The following RYR3 variants were observed in gnomAD, a reference collection of about 807,000 sequenced individuals.
RYR3 encodes brain ryanodine receptor-calcium release channel.
Under a neutral mutation model 584.3 loss-of-function variants are expected in RYR3, and 207 were observed. The ratio of observed to expected loss-of-function variants is 0.35; its 90% CI spans 0.32 to 0.40. The LOEUF (loss-of-function observed/expected upper bound fraction) is 0.40. Among genes scored for constraint, RYR3 ranks in the 10% least tolerant of loss-of-function variants. The pLI is 1.00. For synonymous variants in RYR3, 2,416 were observed against 2,248.5 expected (o/e 1.07, Z -2.11); for missense variants, 5,616 against 6,089.2 (o/e 0.92, Z 2.59).
chr15:33,855,552 C>A lies in RYR3; in HGVS notation c.14007+640C>A, dbSNP rs545071765. On this transcript the variant is annotated intron_variant, in intron 98 of 103. Coordinates refer to ENST00000634891, the MANE Select transcript of RYR3 (RefSeq NM_001036.6). The stretch of plus-strand genomic sequence containing the variant: ...CTTCCTCCATGAATCTGATATATTC[C>A]CTGGGGGTTAGCAAGTAGACATACT... Among the ~76,000 whole-genome samples, 360 of 152,118 alleles carry A rather than the reference C, an allele frequency of 2.4e-3. 1 individual carries two copies. Among genetic ancestry groups the A allele is most frequent in the Non-Finnish European group, 4.1e-3 (277 of 67,996 alleles).
chr15:33,830,754 C>T, intron 85 of RYR3: 1 of 427,640 alleles, frequency 2.3e-6, no homozygotes, highest in Non-Finnish European at 4.1e-6. Context: ...GCAGTCCTCA[C>T]TCCTATCTAT....
rs1007038621 is a variant in RYR3 at position 33,604,751 on chromosome 15, G to C, written c.2164+1387G>C. On this transcript the variant is annotated intron_variant, in intron 18 of 103. Transcript: ENST00000634891. ...CCTTTGTTCTCATAGTGTTATCATG[G>C]AGCCACTGAGTCTGTGGCTATGAAG... is the stretch of plus-strand genomic sequence containing the variant. Among the ~76,000 whole-genome samples, 3 of 152,280 alleles carry C rather than the reference G, an allele frequency of 2.0e-5. No individual in the cohort carries two copies. In the South Asian group the frequency reaches 6.2e-4, roughly 32 times the overall value.
Position 33,582,645 on chromosome 15 carries a change from C to T in RYR3, c.1573+1002C>T, listed in dbSNP as rs746753652. ...GTCATTTCACTGATGATGAAACTGA[C>T]GTACATAGATGCTCATAACCCAAGG... On this transcript the variant is annotated intron_variant, in intron 14 of 103. Transcript: ENST00000634891. Among the ~76,000 whole-genome samples, 84 of 152,254 alleles carry T rather than the reference C, an allele frequency of 5.5e-4. 2 individuals carry two copies. Among genetic ancestry groups the T allele is most frequent in the Non-Finnish European group, 2.4e-4 (16 of 68,014 alleles).
At chr15:33,742,189 G>A (rs1420891430) in intron 51 of RYR3, among the ~76,000 whole-genome samples, 177 bp from the exon 52 acceptor site, 1 of 152,118 alleles carries the variant, frequency 6.6e-6, no homozygotes, top group African/African-American at 2.4e-5. Flanking sequence ...CCTAACCCTG[G>A]CTATGCCACC....
rs1434916402 is a variant in RYR3 at position 33,390,264 on chromosome 15, G to C, written c.51+79168G>C. Among the ~76,000 whole-genome samples the C allele has an allele frequency of 6.6e-6, 1 of 152,174 alleles. No homozygotes were observed. The highest frequency in any genetic ancestry group is 1.5e-5 in the Non-Finnish European group (1 of 68,040). On this transcript the variant is annotated intron_variant, in intron 1 of 103. Transcript: ENST00000634891. This position sits in a 1 kb window ranked among gnomAD's most constrained non-coding sequence, Gnocchi z 4.2. ...TATATTTAAAGCCAACAAAATAAGA[G>C]TTTTTGTTTGTTTGTTTGTTTAGTT...
intron 16 of RYR3, among the ~76,000 whole-genome samples, chr15:33,596,075 C>CA (rs56312785): frequency 0.45 from 65,257 of 146,442 alleles, 14,761 homozygotes; most frequent in East Asian, 0.79. Flanking sequence ...TTTTTCACCT[C>CA]AAAAAAAAAA....
rs915545444 is a variant in RYR3 at position 33,390,207 on chromosome 15, A to G, written c.51+79111A>G. Among the ~76,000 whole-genome samples, 3 of 152,246 alleles carry G rather than the reference A, an allele frequency of 2.0e-5. No individual in the cohort carries two copies. The highest frequency in any genetic ancestry group is 2.9e-5 in the Non-Finnish European group (2 of 68,052). On this transcript the variant is annotated intron_variant, in intron 1 of 103. Coordinates refer to ENST00000634891, the MANE Select transcript of RYR3 (RefSeq NM_001036.6). This position sits in a 1 kb window ranked among gnomAD's most constrained non-coding sequence, Gnocchi z 4.2. ...AGTTTTCAATATGCTTTTCAAATGA[A>G]GGCAATCATTAAATATAGCCCATTG...
intron 38 of RYR3, among the ~76,000 whole-genome samples, chr15:33,673,787 A>T (rs544541503): frequency 7.2e-5 from 11 of 152,314 alleles, no homozygotes; most frequent in Admixed American, 5.9e-4. Flanking sequence ...TGCTTTCCCC[A>T]TGGGAGAAGG....
At position 33,624,016 on chromosome 15, in the gene RYR3, C is replaced by G. The variant is rs1189945732; in HGVS notation, c.2567C>G (p.Thr856Ser). 6.2e-7 allele frequency: 1 copy of G among 1,613,160 alleles called. No individual in the cohort carries two copies. The highest frequency in any genetic ancestry group is 8.5e-7 in the Non-Finnish European group (1 of 1,179,254). The change falls in exon 20 of 104, where the codon ACC becomes AGC. Residue 856 changes from threonine (T) to serine (S), a missense_variant. Thr to Ser is a moderately conservative substitution (Grantham distance 58). Coordinates refer to ENST00000634891, the MANE Select transcript of RYR3 (RefSeq NM_001036.6). ...QASFIPCPVDTSQVILPPHLE... is the reference protein window; with the variant it reads ...QASFIPCPVDSSQVILPPHLE... ...TCTTTCATCCCATGCCCCGTAGACA[C>G]CAGTCAGGTAGGTTCAAATTGCCCG...
Position 33,801,973 on chromosome 15 carries a change from GA to G in RYR3, c.10011+15del. The G allele has an allele frequency of 6.7e-7, 1 of 1,503,546 alleles. No individual in the cohort carries two copies. Among genetic ancestry groups the G allele is most frequent in the South Asian group, 1.1e-5 (1 of 87,844 alleles). The allele number at this position is 1,503,546 out of a possible 1,614,324, so 93.1% of individuals were successfully genotyped here. A position where few individuals can be genotyped will look rare whatever the true frequency, so the allele number is the denominator to read the frequency against. ...GCAAGATGTCAAAAGTAAGTCCTTAGAAATCAATTCCAAAAACTCTTCAACC... is the reference window on the plus strand; with the variant it reads ...GCAAGATGTCAAAAGTAAGTCCTTAGAATCAATTCCAAAAACTCTTCAACC... On this transcript the variant is annotated intron_variant, in intron 69 of 103. Transcript: ENST00000634891.
chr15:33,369,174 AAGGCCACACAC>A (rs1478453026), intron 1 of RYR3, among the ~76,000 whole-genome samples: 4 of 152,188 alleles, frequency 2.6e-5, no homozygotes, highest in Admixed American at 2.6e-4. Context: ...TCATTTGCCA[AAGGCCACACAC>A]CTAGAAAGTG....
intron 52 of RYR3, among the ~76,000 whole-genome samples, chr15:33,744,239 G>C (rs1010309288): frequency 6.6e-6 from 1 of 152,226 alleles, no homozygotes; most frequent in Non-Finnish European, 1.5e-5. Context: ...TTAGCACCTT[G>C]TTCTTCTCTT....
chr15:33,863,429 CAGA>C, intron 102 of RYR3, among the ~76,000 whole-genome samples: 1 of 151,844 alleles, frequency 6.6e-6, no homozygotes, highest in East Asian at 1.9e-4. Flanking sequence ...TCTCCACCCT[CAGA>C]AGGACATAAT....
At chr15:33,592,194 CAT>C (rs1001921099) in intron 16 of RYR3, among the ~76,000 whole-genome samples, 1 of 152,166 alleles carries the variant, frequency 6.6e-6, no homozygotes, top group Non-Finnish European at 1.5e-5. Context: ...TATTTTTTCT[CAT>C]ATGACTCTCC....
At chr15:33,478,208 G>C (rs1233409826) in intron 2 of RYR3, among the ~76,000 whole-genome samples, 1 of 152,038 alleles carries the variant, frequency 6.6e-6, no homozygotes, top group Non-Finnish European at 1.5e-5. Flanking sequence ...AGAAACCATG[G>C]CTTGCCAGCT....
intron 81 of RYR3, among the ~76,000 whole-genome samples, chr15:33,824,405 GGAGT>G (rs1001325221): frequency 9.8e-5 from 15 of 152,292 alleles, no homozygotes; most frequent in Admixed American, 3.9e-4. Context: ...ATTTAGGAAT[GGAGT>G]GAGTAAGGAT....
chr15:33,352,787 CT>C (rs1465926938), intron 1 of RYR3, among the ~76,000 whole-genome samples: 2 of 152,198 alleles, frequency 1.3e-5, no homozygotes. Context: ...CCTATGCCCA[CT>C]TCTGTTTACT....
rs1025413148 is a variant in RYR3, at chr15:33,492,541, T to C, written c.172-11090T>C. The stretch of plus-strand genomic sequence containing the variant: ...TTGGAATTTGGATTCAGTTTGAGAG[T>C]AGGAAGAAGGCATTGGGGAAAAATC... On this transcript the variant is annotated intron_variant, in intron 2 of 103. Coordinates refer to ENST00000634891, the MANE Select transcript of RYR3 (RefSeq NM_001036.6). Among the ~76,000 whole-genome samples the C allele has an allele frequency of 2.0e-5, 3 of 151,462 alleles. No homozygotes were observed. In the South Asian group the frequency reaches 6.3e-4, roughly 32 times the overall value.
At chr15:33,317,163 G>T (rs1201576299) in intron 1 of RYR3, among the ~76,000 whole-genome samples, 6 of 152,132 alleles carry the variant, frequency 3.9e-5, no homozygotes, top group Non-Finnish European at 7.3e-5. Flanking sequence ...TCCTTTCATA[G>T]CTATCCTTCC....
Sources: gnomAD v4.1 joint callset for allele counts (sites outside exome capture counted in the v4.1 genomes callset) on GRCh38, gnomAD v4.1.1 for gene constraint, Gnocchi (gnomAD v3.1) non-coding constraint, MANE v1.5 for transcripts, NCBI Gene and HGNC (gene_info 2026-07-23, HGNC 2026-07-21) for gene names.